ELAVL2: variants seen among roughly 807,000 people sequenced by gnomAD.
ELAVL2 encodes the protein ELAV-like protein 2.
A neutral mutation model predicts 34.6 loss-of-function variants in ELAVL2; 4 were observed. That is an observed-to-expected ratio of 0.12 (90% CI 0.06 to 0.26). The LOEUF is 0.26. ELAVL2 is among the 10% of genes least tolerant of loss of function. The probability of loss-of-function intolerance (pLI) is 1.00; values close to 1 mark genes in which losing one functional copy is unlikely to be tolerated. For missense variants in ELAVL2, 432 were observed against 442.8 expected, an observed-to-expected ratio of 0.98 and a Z score of 0.22; for synonymous variants, 193 against 154.8, an observed-to-expected ratio of 1.25 and a Z score of -1.83.
chr9:23,763,380 T>A (rs914753550), intron 1 of ELAVL2, among the ~76,000 whole-genome samples: 11 of 152,086 alleles, frequency 7.2e-5, no homozygotes, highest in Non-Finnish European at 1.5e-4. Context: ...CTACCTATCT[T>A]TGGACAGCCA....
intron 2 of ELAVL2, among the ~76,000 whole-genome samples, chr9:23,751,732 A>G (rs1249013033): frequency 6.6e-6 from 1 of 152,192 alleles, no homozygotes; most frequent in East Asian, 1.9e-4. Flanking sequence ...CAACTTGCTG[A>G]CCTTCGAAAG....
At chr9:23,827,403 C>T (rs1031854108), upstream of ELAVL2, among the ~76,000 whole-genome samples, 1 of 152,148 alleles carries the variant, frequency 6.6e-6, no homozygotes. Context: ...AAAGTGAGGT[C>T]CTCAGGATCG....
At chr9:23,729,472 C>T (rs1177634272) in intron 3 of ELAVL2, among the ~76,000 whole-genome samples, 1 of 152,154 alleles carries the variant, frequency 6.6e-6, no homozygotes, top group Non-Finnish European at 1.5e-5. Flanking sequence ...TAAAAGATCT[C>T]TGACACAGAA....
rs2033418814 is a variant in ELAVL2 at position 23,692,323 on chromosome 9, T to G, written c.*234A>C. On this transcript the variant is annotated 3_prime_UTR_variant, in exon 7 of 7. Transcript: ENST00000397312. ...TCAAAGAAGGCAATAGAATGCAATG[T>G]GACAGGTAAAAACCCTGTACCTCTT... 2.1e-6 allele frequency: 1 copy of G among 469,898 alleles called. No homozygotes were observed. The highest frequency in any genetic ancestry group is 1.9e-5 in the African/African-American group (1 of 51,726). The allele number at this position is 469,898 out of a possible 1,614,324, so 29.1% of individuals were successfully genotyped here.
intron 2 of ELAVL2, among the ~76,000 whole-genome samples, chr9:23,738,010 C>G (rs1057249287): frequency 6.6e-6 from 1 of 152,192 alleles, no homozygotes; most frequent in African/African-American, 2.4e-5. Flanking sequence ...CTGTTGCCTC[C>G]TGATATCCTT....
Position 23,701,621 on chromosome 9 carries a change from TAA to T in ELAVL2, c.488-19_488-18del. ...TTGATATGCCTATGGTAGATTTGAG[TAA>T]AGATTTGGAAAAGAGGGAACAGAAG... On this transcript the variant is annotated intron_variant, in intron 4 of 6. Transcript: ENST00000397312. The T allele has an allele frequency of 6.2e-7, 1 of 1,609,734 alleles. No individual in the cohort carries two copies. The highest frequency in any genetic ancestry group is 1.3e-5 in the African/African-American group (1 of 74,776).
chr9:23,828,272 G>T (rs2065391034), upstream of ELAVL2, among the ~76,000 whole-genome samples: 1 of 152,144 alleles, frequency 6.6e-6, no homozygotes, highest in African/African-American at 2.4e-5. Context: ...GCAGTGAATT[G>T]TCTTTCCTCC....
chr9:23,711,735 T>G (rs1456156288), intron 3 of ELAVL2, among the ~76,000 whole-genome samples: 1 of 152,174 alleles, frequency 6.6e-6, no homozygotes. Flanking sequence ...CAAAATGTAC[T>G]TATCTCTTAA....
chr9:23,744,373 T>A (rs1209518084), intron 2 of ELAVL2, among the ~76,000 whole-genome samples: 1 of 152,224 alleles, frequency 6.6e-6, no homozygotes, highest in Non-Finnish European at 1.5e-5. Context: ...CTCATTCCAA[T>A]ATTCAATAGC....
At chr9:23,750,248 G>C (rs971987117) in intron 2 of ELAVL2, among the ~76,000 whole-genome samples, 2 of 152,008 alleles carry the variant, frequency 1.3e-5, no homozygotes, top group African/African-American at 4.8e-5. Flanking sequence ...GTATGTTCTA[G>C]AGCTGGGGAT....
chr9:23,810,442 A>C (rs1326548923), intron 1 of ELAVL2, among the ~76,000 whole-genome samples: 3 of 152,070 alleles, frequency 2.0e-5, no homozygotes, highest in Non-Finnish European at 2.9e-5. Flanking sequence ...TGGTACAACA[A>C]CCCCACCACT....
chr9:23,814,370 C>G (rs2063423516), intron 1 of ELAVL2, among the ~76,000 whole-genome samples: 1 of 152,114 alleles, frequency 6.6e-6, no homozygotes, highest in African/African-American at 2.4e-5. Context: ...TTACCAGGAC[C>G]TGGAACTAAG....
At chr9:23,708,435 C>T (rs1285699027) in intron 3 of ELAVL2, among the ~76,000 whole-genome samples, 2 of 152,158 alleles carry the variant, frequency 1.3e-5, no homozygotes, top group African/African-American at 4.8e-5. Context: ...GTGTTGAATT[C>T]TGGGTTCAAA....
chr9:23,840,577 T>C, the ELAVL2 span, among the ~76,000 whole-genome samples: 2 of 152,172 alleles, frequency 1.3e-5, no homozygotes, highest in African/African-American at 4.8e-5. Context: ...CTTTGTGTTA[T>C]ACTGAAAAAG....
At position 23,750,827 on chromosome 9, in the gene ELAVL2, C is replaced by T. The variant is rs80058503; in HGVS notation, c.229+11179G>A. ...CCAGGGTTAGGAAAAAGGATTCGTA[C>T]GACAGTACCCTTGGAGGCAACTCCT... On this transcript the variant is annotated intron_variant, in intron 2 of 6. Coordinates refer to ENST00000397312, the MANE Select transcript of ELAVL2 (RefSeq NM_004432.5). 1.8e-4 allele frequency among the ~76,000 whole-genome samples: 27 copies of T among 152,234 alleles called. No homozygotes were observed. In the South Asian group the frequency reaches 3.5e-3, roughly 20 times the overall value.
At chr9:23,768,004 T>C (rs2056634715) in intron 1 of ELAVL2, among the ~76,000 whole-genome samples, 1 of 152,146 alleles carries the variant, frequency 6.6e-6, no homozygotes, top group Admixed American at 6.5e-5. Flanking sequence ...GTCAACATCC[T>C]GACCTGGGCT....
chr9:23,739,017 C>A (rs1422813687), intron 2 of ELAVL2, among the ~76,000 whole-genome samples: 1 of 152,160 alleles, frequency 6.6e-6, no homozygotes, highest in Non-Finnish European at 1.5e-5. Context: ...TAAGAACTCC[C>A]ACACAATTCA....
rs1489596929 is a variant in ELAVL2 at position 23,785,527 on chromosome 9, G to A, written c.-15-23278C>T. Among the ~76,000 whole-genome samples the A allele has an allele frequency of 3.3e-5, 5 of 152,272 alleles. No homozygotes were observed. In the East Asian group the frequency reaches 7.7e-4, roughly 23 times the overall value. ...TTTAATCAGATATCTCCCAAATTTT[G>A]CATTACTTTAAGGATAGTGTGAAAA... On this transcript the variant is annotated intron_variant, in intron 1 of 6. Coordinates refer to ENST00000397312, the MANE Select transcript of ELAVL2 (RefSeq NM_004432.5).
rs1222507060 is a variant in ELAVL2 at position 23,691,367 on chromosome 9, A to G, written c.*1190T>C. On this transcript the variant is annotated 3_prime_UTR_variant, in exon 7 of 7. Transcript: ENST00000397312. ...TTTCAAAATACCTTCAAATATATCC[A>G]ACTCAGATCACTTTTGCTGATTTGC... The G allele has an allele frequency of 6.6e-6, 1 of 152,592 alleles. No individual in the cohort carries two copies. The highest frequency in any genetic ancestry group is 1.5e-5 in the Non-Finnish European group (1 of 68,004). The allele number at this position is 152,592 out of a possible 1,614,324, so 9.5% of individuals were successfully genotyped here.
Sources: gnomAD v4.1 joint callset for allele counts (sites outside exome capture counted in the v4.1 genomes callset) on GRCh38, gnomAD v4.1.1 for gene constraint, MANE v1.5 for transcripts, NCBI Gene and HGNC (gene_info 2026-07-23, HGNC 2026-07-21) for gene names.